SPATA1: variants seen among roughly 807,000 people sequenced by gnomAD.
SPATA1 encodes spermatogenesis-associated protein 1.
Under a neutral mutation model 59.6 loss-of-function variants are expected in SPATA1, and 57 were observed. That is an observed-to-expected ratio of 0.96 (90% CI 0.77 to 1.19). The LOEUF is 1.19. Among genes scored for constraint, SPATA1 ranks in the 50% most tolerant of loss-of-function variants. SPATA1 has a pLI of 0.00. For missense variants in SPATA1, 448 were observed against 480.7 expected, an observed-to-expected ratio of 0.93 and a Z score of 0.64; for synonymous variants, 147 against 163.9, an observed-to-expected ratio of 0.90 and a Z score of 0.79.
chr1:84,528,898 TAAAG>T (rs1386734847), intron 6 of SPATA1, among the ~76,000 whole-genome samples: 8 of 152,222 alleles, frequency 5.3e-5, no homozygotes, highest in Non-Finnish European at 8.8e-5. Context: ...TTGGAAAAAA[TAAAG>T]AGTGAGGTAG....
chr1:84,522,300 G>A, intron 3 of SPATA1, 90 bp from the exon 4 acceptor site: 1 of 669,014 alleles, frequency 1.5e-6, no homozygotes, highest in Non-Finnish European at 2.3e-6. Context: ...CAACCTTTGT[G>A]TTTGAGATAG....
chr1:84,537,970 T>C (rs1214174066), intron 8 of SPATA1, among the ~76,000 whole-genome samples: 3 of 152,176 alleles, frequency 2.0e-5, no homozygotes, highest in Non-Finnish European at 2.9e-5. Context: ...AGGAATGTTA[T>C]AGTAGAGAGG....
intron 4 of SPATA1, among the ~76,000 whole-genome samples, chr1:84,559,913 C>G (rs1036017886): frequency 6.6e-6 from 1 of 151,722 alleles, no homozygotes; most frequent in Non-Finnish European, 1.5e-5. Flanking sequence ...AGTGAAACCC[C>G]ATCTCTACTA....
At chr1:84,510,108 A>G (rs917580345) in intron 1 of SPATA1, among the ~76,000 whole-genome samples, 4 of 152,172 alleles carry the variant, frequency 2.6e-5, no homozygotes, top group Non-Finnish European at 5.9e-5. Flanking sequence ...TCAAGGCTGC[A>G]GTGAGCTGTG....
At chr1:84,512,556 C>T (rs986055071) in intron 1 of SPATA1, among the ~76,000 whole-genome samples, 1 of 152,170 alleles carries the variant, frequency 6.6e-6, no homozygotes, top group African/African-American at 2.4e-5. Flanking sequence ...TATTTCTAGA[C>T]ACAGAATAAG....
chr1:84,511,508 AAC>A (rs1682544557), intron 1 of SPATA1, among the ~76,000 whole-genome samples: 1 of 151,886 alleles, frequency 6.6e-6, no homozygotes, highest in Non-Finnish European at 1.5e-5. Flanking sequence ...CTAGAAGTCT[AAC>A]TACTATAAAT....
At chr1:84,549,462 G>C (rs181151968) in intron 11 of SPATA1, 1 of 152,146 alleles carries the variant, frequency 6.6e-6, no homozygotes, top group African/African-American at 2.4e-5. Flanking sequence ...ATGGGAAAGA[G>C]GCAAATACCT....
intron 4 of SPATA1, among the ~76,000 whole-genome samples, chr1:84,563,075 G>C (rs950947843): frequency 1.3e-5 from 2 of 152,086 alleles, no homozygotes; most frequent in African/African-American, 4.8e-5. Flanking sequence ...AACTCCAATT[G>C]CTCGCCAGGG....
chr1:84,540,304 C>T (rs1034361742), intron 8 of SPATA1, among the ~76,000 whole-genome samples: 4 of 151,656 alleles, frequency 2.6e-5, no homozygotes, highest in Non-Finnish European at 5.9e-5. Flanking sequence ...GGGTTTTTTT[C>T]GTCTTGGTAT....
At chr1:84,534,866 CT>C (rs1297566538) in intron 8 of SPATA1, among the ~76,000 whole-genome samples, 1 of 152,078 alleles carries the variant, frequency 6.6e-6, no homozygotes, top group African/African-American at 2.4e-5. Context: ...TCAAATGAGT[CT>C]TTAATTGTGC....
chr1:84,562,722 C>T (rs1684617643), intron 4 of SPATA1, among the ~76,000 whole-genome samples: 1 of 152,128 alleles, frequency 6.6e-6, no homozygotes, highest in Admixed American at 6.5e-5. Context: ...TGTATTTCTT[C>T]AGGTTTCCTT....
chr1:84,520,475 T>G, intron 2 of SPATA1, 110 bp from the exon 3 acceptor site: 2 of 709,858 alleles, frequency 2.8e-6, no homozygotes, highest in South Asian at 4.5e-5. Context: ...ATGTATGTAT[T>G]CCATGTTTTT....
chr1:84,508,851 T>G (rs1682401580), intron 1 of SPATA1, among the ~76,000 whole-genome samples: 1 of 152,120 alleles, frequency 6.6e-6, no homozygotes. Flanking sequence ...TACTTAGGAA[T>G]TAACCAAGGA....
intron 6 of SPATA1, among the ~76,000 whole-genome samples, chr1:84,531,570 CTTT>C (rs11344822): frequency 1.4e-4 from 15 of 105,194 alleles, no homozygotes; most frequent in Admixed American, 3.1e-4. Flanking sequence ...TTTGGCAAGT[CTTT>C]TTTTTTTTTT....
chr1:84,528,275 T>A (rs1683315729), intron 6 of SPATA1, among the ~76,000 whole-genome samples: 1 of 152,236 alleles, frequency 6.6e-6, no homozygotes, highest in Non-Finnish European at 1.5e-5. Flanking sequence ...GATTATTATG[T>A]CTTCTTGATA....
At chr1:84,525,930 G>A (rs142782902) in exon 6 of SPATA1, 37 of 1,613,458 alleles carry the variant, frequency 2.3e-5, no homozygotes, top group African/African-American at 4.0e-5. Flanking sequence ...TTAGATGAGC[G>A]GCAGACTAAT....
chr1:84,558,324 C>T (rs1032687738), downstream of SPATA1, among the ~76,000 whole-genome samples: 4 of 150,466 alleles, frequency 2.7e-5, no homozygotes, highest in African/African-American at 9.8e-5. Context: ...GAGTCTCGCT[C>T]TGTCGCCCAG....
chr1:84,529,003 A>G (rs1683348035), intron 6 of SPATA1, among the ~76,000 whole-genome samples: 1 of 152,020 alleles, frequency 6.6e-6, no homozygotes, highest in African/African-American at 2.4e-5. Flanking sequence ...ACCACACTAT[A>G]TATATATTTT....
At chr1:84,507,276 G>A (rs1682304229) in intron 1 of SPATA1, 1 of 152,148 alleles carries the variant, frequency 6.6e-6, no homozygotes, top group South Asian at 2.1e-4. Context: ...TATTAGGGAA[G>A]CATGTGTAAT....
Sources: gnomAD v4.1 joint callset for allele counts (sites outside exome capture counted in the v4.1 genomes callset) on GRCh38, gnomAD v4.1.1 for gene constraint, MANE v1.5 for transcripts, NCBI Gene and HGNC (gene_info 2026-07-23, HGNC 2026-07-21) for gene names.